Variants in PAG1 observed in about 807,000 individuals in gnomAD.
PAG1 encodes the protein phosphoprotein associated with glycosphingolipid-enriched microdomains 1.
In PAG1, 23 loss-of-function variants were observed where a neutral mutation model predicts 31.7. The ratio of observed to expected loss-of-function variants is 0.73; its 90% CI spans 0.52 to 1.03. PAG1 has a LOEUF of 1.03. Ranked by LOEUF, PAG1 falls within the 50% of genes least tolerant of loss-of-function variation. The pLI, the probability that PAG1 is intolerant of heterozygous loss-of-function variation, is 0.00. For synonymous variants in PAG1, 214 were observed against 210.3 expected, an observed-to-expected ratio of 1.02 and a Z score of -0.15; for missense variants, 473 against 540.7, an observed-to-expected ratio of 0.87 and a Z score of 1.24.
At chr8:81,004,853 C>T (rs1213514982) in intron 3 of PAG1, among the ~76,000 whole-genome samples, 2 of 152,164 alleles carry the variant, frequency 1.3e-5, no homozygotes, top group African/African-American at 4.8e-5. Context: ...TTTGCATGTT[C>T]ACACGGTGGA....
At position 80,980,489 on chromosome 8, in the gene PAG1, A is replaced by G. The variant is rs781437685; in HGVS notation, c.882T>C (p.Phe294=). The G allele has an allele frequency of 6.3e-7, 1 of 1,598,172 alleles. No homozygotes were observed. The change falls in exon 8 of 9, where the codon TTT becomes TTC. Residue 294 remains phenylalanine (F), a synonymous_variant. Transcript: ENST00000220597. ...CCCGAGACTTGTATGACAATGAGCT[A>G]AATCTCTGTCAGAACAAACACAAGC... ...TDTTSETNKR[F]SSLSYKSREE...
In PAG1 at chr8:80,972,764, A is replaced by G. The variant is rs1807103287; in HGVS notation, c.*3780T>C. 6.6e-6 allele frequency: 1 copy of G among 152,210 alleles called. No individual in the cohort carries two copies. Among genetic ancestry groups the G allele is most frequent in the African/African-American group, 2.4e-5 (1 of 41,456 alleles). 9.4% of individuals were successfully genotyped at this position (152,210 alleles called of 1,614,324 possible). On this transcript the variant is annotated 3_prime_UTR_variant, in exon 9 of 9. Transcript: ENST00000220597. ...GGAAAAATTAAATTAGAGCAACTCA[A>G]GGTTTTCCTGTAATTACCAAATGAA...
intron 1 of PAG1, among the ~76,000 whole-genome samples, chr8:81,074,090 G>A (rs1451909010): frequency 1.3e-5 from 2 of 152,238 alleles, no homozygotes; most frequent in African/African-American, 4.8e-5. Context: ...ATTATTAGCT[G>A]AGAATGAGGA....
intron 3 of PAG1, among the ~76,000 whole-genome samples, chr8:81,005,524 A>C (rs555610636): frequency 6.6e-6 from 1 of 152,302 alleles, no homozygotes; most frequent in East Asian, 1.9e-4. Context: ...GTTCATTTCA[A>C]AGGCTGCTAA....
chr8:81,104,197 C>G (rs565811653), intron 1 of PAG1, among the ~76,000 whole-genome samples: 7 of 151,620 alleles, frequency 4.6e-5, no homozygotes, highest in Admixed American at 2.0e-4. Context: ...AACAGTCAGA[C>G]CTGTCCCTTT....
chr8:81,088,129 T>C (rs1809389673), intron 1 of PAG1, among the ~76,000 whole-genome samples: 1 of 152,228 alleles, frequency 6.6e-6, no homozygotes, highest in Non-Finnish European at 1.5e-5. Context: ...TAATTATGTA[T>C]TATTTACCTC....
At chr8:81,095,014 A>G (rs920395122) in intron 1 of PAG1, among the ~76,000 whole-genome samples, 1 of 152,230 alleles carries the variant, frequency 6.6e-6, no homozygotes, top group Non-Finnish European at 1.5e-5. Flanking sequence ...TATTAAAGTG[A>G]AAGTACAGTC....
At chr8:81,030,124 G>C (rs981585803) in intron 2 of PAG1, 35 bp from the exon 3 acceptor site, 16 of 152,214 alleles carry the variant, frequency 1.1e-4, no homozygotes, top group Non-Finnish European at 7.3e-5. Context: ...AGAAAAAAAG[G>C]CAGATGGATA....
At chr8:81,065,022 C>G (rs1808979658) in intron 2 of PAG1, among the ~76,000 whole-genome samples, 1 of 152,180 alleles carries the variant, frequency 6.6e-6, no homozygotes, top group Non-Finnish European at 1.5e-5. Flanking sequence ...TAAGGCTTCT[C>G]CCAAACCTCT....
rs556596965 is a variant in PAG1 at position 80,998,318 on chromosome 8, C to T, written c.-80-5011G>A. Among the ~76,000 whole-genome samples, 257 of 151,740 alleles carry T rather than the reference C, an allele frequency of 1.7e-3. 1 individual carries two copies. The highest frequency in any genetic ancestry group is 5.9e-3 in the African/African-American group (244 of 41,390). Reference sequence around the variant, plus strand: ...CTAATTTTTGTATTTTTAGTAGAGACGGGGTTTCACCATGTTGGCCAGGAT... The same window carrying T: ...CTAATTTTTGTATTTTTAGTAGAGATGGGGTTTCACCATGTTGGCCAGGAT... On this transcript the variant is annotated intron_variant, in intron 3 of 8. Coordinates refer to ENST00000220597, the MANE Select transcript of PAG1 (RefSeq NM_018440.4).
In PAG1 at chr8:80,984,795, G is replaced by C. The variant is rs762721033; in HGVS notation, c.857C>G (p.Thr286Arg). 6.2e-7 allele frequency: 1 copy of C among 1,613,744 alleles called. No homozygotes were observed. The highest frequency in any genetic ancestry group is 2.2e-5 in the East Asian group (1 of 44,884). Reference sequence around the variant, plus strand: ...GCCCACCTTGTTAGTTTCACTGGTCGTGTCTGTGGCACTCTCTTCCGCCTC... The same window carrying C: ...GCCCACCTTGTTAGTTTCACTGGTCCTGTCTGTGGCACTCTCTTCCGCCTC... Reference protein sequence around the residue: ...GGEAEESATDTTSETNKRFSS... With the variant: ...GGEAEESATDRTSETNKRFSS... The change falls in exon 7 of 9, where the codon ACG becomes AGG. Residue 286 changes from threonine to arginine, a missense_variant. Physicochemically the swap from Thr to Arg is moderately conservative, Grantham distance 71 (BLOSUM62 -1). Transcript: ENST00000220597.
chr8:81,097,157 C>A (rs1269886271), intron 1 of PAG1, among the ~76,000 whole-genome samples: 2 of 152,184 alleles, frequency 1.3e-5, no homozygotes, highest in Non-Finnish European at 2.9e-5. Context: ...GGGGCCCCAC[C>A]CCCAGGGCAC....
At chr8:81,085,378 A>G (rs1327907383) in intron 1 of PAG1, among the ~76,000 whole-genome samples, 1 of 152,212 alleles carries the variant, frequency 6.6e-6, no homozygotes, top group Admixed American at 6.5e-5. Context: ...CACCCTAGAA[A>G]GAAAACTAAA....
chr8:81,082,966 AT>A (rs35125651), intron 1 of PAG1, among the ~76,000 whole-genome samples: 77 of 144,642 alleles, frequency 5.3e-4, no homozygotes, highest in Admixed American at 1.0e-3. Flanking sequence ...ATCACAAGTG[AT>A]TTTTTTTTTC....
At chr8:81,093,773 G>A (rs545477165) in intron 1 of PAG1, among the ~76,000 whole-genome samples, 6 of 152,026 alleles carry the variant, frequency 3.9e-5, no homozygotes, top group Admixed American at 2.0e-4. Context: ...GAATTTGATC[G>A]TTGCTGATGA....
At chr8:81,022,950 C>A (rs1200602374) in intron 3 of PAG1, among the ~76,000 whole-genome samples, 1 of 152,176 alleles carries the variant, frequency 6.6e-6, no homozygotes, top group African/African-American at 2.4e-5. Context: ...GTAATCTACT[C>A]AAGAACAGCA....
At chr8:81,053,631 C>T (rs1056352439) in intron 2 of PAG1, among the ~76,000 whole-genome samples, 2 of 152,116 alleles carry the variant, frequency 1.3e-5, no homozygotes, top group Non-Finnish European at 2.9e-5. Flanking sequence ...AATGAACAGC[C>T]CTTTTGAAGA....
rs1374382496 is a variant in PAG1 at position 80,991,512 on chromosome 8, C to T, written c.144G>A (p.Gln48=). The T allele has an allele frequency of 1.2e-6, 2 of 1,613,508 alleles. No homozygotes were observed. Among genetic ancestry groups the T allele is most frequent in the Admixed American group, 1.7e-5 (1 of 60,022 alleles). The change falls in exon 5 of 9, where the codon CAG becomes CAA. Residue 48 remains glutamine (Q), a synonymous_variant. Transcript: ENST00000220597. ...SSCDREKKPR[Q]HSGDHENLMN... ...TCAGGTTCTCATGGTCCCCACTATG[C>T]TGTCGCGGCTTCTTTTCCCTGAAAT...
rs543301082 is a variant in PAG1 at position 81,007,750 on chromosome 8, G to A, written c.-80-14443C>T. Among the ~76,000 whole-genome samples, 8 of 152,176 alleles carry A rather than the reference G, an allele frequency of 5.3e-5. No homozygotes were observed. In the South Asian group the frequency reaches 1.2e-3, roughly 24 times the overall value. ...ACTTCTCTGCCACTGAGGCTTTGAG[G>A]AGGTCTGGCTGTACTAAGAGCATAG... On this transcript the variant is annotated intron_variant, in intron 3 of 8. Transcript: ENST00000220597.
Sources: allele counts gnomAD v4.1 joint callset (sites outside exome capture counted in the v4.1 genomes callset), GRCh38; gene constraint gnomAD v4.1.1; transcripts MANE v1.5; gene names NCBI Gene and HGNC (gene_info 2026-07-23, HGNC 2026-07-21).